SUSD4: variants seen among roughly 807,000 people sequenced by gnomAD.
The protein encoded by SUSD4 is sushi domain containing 4, also known as sushi domain-containing protein 4.
In SUSD4, 41 loss-of-function variants were observed where a neutral mutation model predicts 50.5. The ratio of observed to expected loss-of-function variants is 0.81; its 90% confidence interval spans 0.63 to 1.05. SUSD4 has a LOEUF of 1.05. SUSD4 is among the 50% of genes least tolerant of loss of function. The probability of loss-of-function intolerance (pLI) is 0.00; values close to 1 mark genes in which losing one functional copy is unlikely to be tolerated. For missense variants in SUSD4, 580 were observed against 634.7 expected (o/e 0.91, Z 0.93); for synonymous variants, 257 against 257.3 (o/e 1.00, Z 0.01).
chr1:223,340,880 C>T (rs895556599), intron 2 of SUSD4, among the ~76,000 whole-genome samples: 1 of 152,176 alleles, frequency 6.6e-6, no homozygotes, highest in Non-Finnish European at 1.5e-5. Flanking sequence ...TGAAACTGAC[C>T]TCTAGAAAAA....
At chr1:223,250,993 G>T (rs1661264867) in intron 5 of SUSD4, among the ~76,000 whole-genome samples, 1 of 152,136 alleles carries the variant, frequency 6.6e-6, no homozygotes, top group African/African-American at 2.4e-5. Flanking sequence ...GATCGAATTG[G>T]GTATCCCCCA....
intron 5 of SUSD4, among the ~76,000 whole-genome samples, chr1:223,246,108 G>A (rs1298045279): frequency 6.6e-6 from 1 of 152,108 alleles, no homozygotes; most frequent in Non-Finnish European, 1.5e-5. Context: ...CACATAAGGG[G>A]AGAGGGCAGA....
chr1:223,264,859 C>A, intron 4 of SUSD4, 41 bp from the exon 5 acceptor site: 1 of 1,582,332 alleles, frequency 6.3e-7, no homozygotes, highest in South Asian at 1.2e-5. Context: ...TCCACTCTGT[C>A]ATCTCTGTAC....
chr1:223,269,889 G>A (rs1662785460), intron 3 of SUSD4, among the ~76,000 whole-genome samples: 1 of 152,052 alleles, frequency 6.6e-6, no homozygotes, highest in East Asian at 1.9e-4. Flanking sequence ...TTGAACTGTC[G>A]GCTCTGAGGC....
chr1:223,228,942 G>C (rs1268805480), intron 6 of SUSD4, among the ~76,000 whole-genome samples: 5 of 151,696 alleles, frequency 3.3e-5, no homozygotes, highest in Non-Finnish European at 5.9e-5. Flanking sequence ...TCTGAATAGG[G>C]TCCCTAGGCC....
chr1:223,345,050 G>A (rs191958692), intron 2 of SUSD4, among the ~76,000 whole-genome samples: 1 of 152,166 alleles, frequency 6.6e-6, no homozygotes, highest in Non-Finnish European at 1.5e-5. Flanking sequence ...TTGTTATTAA[G>A]TCTACATATA....
chr1:223,344,114 T>C (rs543751712), intron 2 of SUSD4, among the ~76,000 whole-genome samples: 106 of 152,338 alleles, frequency 7.0e-4, no homozygotes, highest in African/African-American at 2.4e-3. Flanking sequence ...AACCTGTCTA[T>C]GCTTAGCCTT....
chr1:223,343,286 A>G (rs78055260), intron 2 of SUSD4, among the ~76,000 whole-genome samples: 2,899 of 152,266 alleles, frequency 0.019, 101 homozygotes, highest in African/African-American at 0.065. Context: ...AGCTGGACCA[A>G]GTGAGATTCT....
chr1:223,292,488 A>G lies in SUSD4; in HGVS notation c.312T>C (p.Asn104=). 1 of 1,614,182 alleles carries G rather than the reference A, an allele frequency of 6.2e-7. No homozygotes were observed. Among genetic ancestry groups the G allele is most frequent in the East Asian group, 2.2e-5 (1 of 44,876 alleles). ...ATKRLCLKHF[N]GTLGWIPSDN... The stretch of plus-strand genomic sequence containing the variant: ...CACTTGGGATCCAGCCTAGGGTTCC[A>G]TTAAAATGCTTCAAACACAGTCTCT... Residue 104 remains asparagine (N), a synonymous_variant, in exon 3 of 9, where the codon AAT becomes AAC. Coordinates refer to ENST00000366878, the MANE Select transcript of SUSD4 (RefSeq NM_017982.4).
chr1:223,332,812 T>C lies in SUSD4; in HGVS notation c.148+30466A>G, dbSNP rs1667248860. Among the ~76,000 whole-genome samples, 1 of 152,128 alleles carries C rather than the reference T, an allele frequency of 6.6e-6. No homozygotes were observed. The highest frequency in any genetic ancestry group is 2.4e-5 in the African/African-American group (1 of 41,442). On this transcript the variant is annotated intron_variant, in intron 2 of 8. Coordinates refer to ENST00000366878, the MANE Select transcript of SUSD4 (RefSeq NM_017982.4). The surrounding 1 kb of genome is among the most constrained non-coding windows in gnomAD (Gnocchi z 4.0). Reference sequence around the variant, plus strand: ...TTCTCTGTCCTGCCCCTGTCCTTTATGCCTACCTCCAGCTAAGCGGGTACT... The same window carrying C: ...TTCTCTGTCCTGCCCCTGTCCTTTACGCCTACCTCCAGCTAAGCGGGTACT...
At chr1:223,241,169 G>A (rs971145319) in intron 5 of SUSD4, among the ~76,000 whole-genome samples, 3 of 152,166 alleles carry the variant, frequency 2.0e-5, no homozygotes, top group Admixed American at 1.3e-4. Context: ...TTCCCTGGGG[G>A]ACAGACCATG....
chr1:223,360,968 T>C (rs892754529), intron 2 of SUSD4, among the ~76,000 whole-genome samples: 2 of 152,180 alleles, frequency 1.3e-5, no homozygotes, highest in African/African-American at 4.8e-5. Context: ...AAGGAATGCC[T>C]TGGTCTCAAG....
intron 4 of SUSD4, among the ~76,000 whole-genome samples, chr1:223,267,315 A>C (rs1281262731): frequency 6.6e-6 from 1 of 152,216 alleles, no homozygotes; most frequent in African/African-American, 2.4e-5. Context: ...ATGGGAGAAC[A>C]AAAGGTTATG....
intron 5 of SUSD4, among the ~76,000 whole-genome samples, chr1:223,248,159 G>A (rs994521692): frequency 2.6e-5 from 4 of 152,202 alleles, no homozygotes; most frequent in African/African-American, 9.7e-5. Flanking sequence ...CTCTGTAGCT[G>A]AGCTCAGTAG....
chr1:223,282,946 A>C (rs1360533065), intron 3 of SUSD4, among the ~76,000 whole-genome samples: 1 of 152,226 alleles, frequency 6.6e-6, no homozygotes, highest in Non-Finnish European at 1.5e-5. Context: ...CACATCTGCA[A>C]CCATCTGATC....
At chr1:223,263,731 C>A in intron 5 of SUSD4, 2 of 985,430 alleles carry the variant, frequency 2.0e-6, no homozygotes, top group Non-Finnish European at 2.4e-6. Context: ...ACACGTCCTA[C>A]CCTGACTTCC....
chr1:223,315,198 T>G (rs1418128930), intron 2 of SUSD4, among the ~76,000 whole-genome samples: 2 of 152,228 alleles, frequency 1.3e-5, no homozygotes, highest in African/African-American at 4.8e-5. Flanking sequence ...GTTTAAATGA[T>G]AGCGGGTCTT....
In SUSD4 at chr1:223,221,258, T is replaced by C; in HGVS notation, c.*934A>G. The C allele has an allele frequency of 2.5e-6, 1 of 396,962 alleles. No individual in the cohort carries two copies. The highest frequency in any genetic ancestry group is 4.4e-6 in the Non-Finnish European group (1 of 225,440). 24.6% of individuals were successfully genotyped at this position (396,962 alleles called of 1,614,324 possible). ...TCTGTTTTGGAAAATAAATGTATGG[T>C]TCAATTTGGGGCTGGGGGAACAATG... On this transcript the variant is annotated 3_prime_UTR_variant, in exon 9 of 9. Transcript: ENST00000366878.
chr1:223,329,691 G>A lies in SUSD4; in HGVS notation c.148+33587C>T, dbSNP rs192165447. On this transcript the variant is annotated intron_variant, in intron 2 of 8. Coordinates refer to ENST00000366878, the MANE Select transcript of SUSD4 (RefSeq NM_017982.4). ...CAGATGGACAGAACAATGGATGGATGAACATATGGACAGATGGATGGATGA... is the reference window on the plus strand; with the variant it reads ...CAGATGGACAGAACAATGGATGGATAAACATATGGACAGATGGATGGATGA... Among the ~76,000 whole-genome samples, 96 of 152,322 alleles carry A rather than the reference G, an allele frequency of 6.3e-4. No homozygotes were observed. In the East Asian group the frequency reaches 7.5e-3, roughly 12 times the overall value.
Sources: allele counts gnomAD v4.1 joint callset (sites outside exome capture counted in the v4.1 genomes callset), GRCh38; gene constraint gnomAD v4.1.1; non-coding constraint Gnocchi (gnomAD v3.1); transcripts MANE v1.5; gene names NCBI Gene and HGNC (gene_info 2026-07-23, HGNC 2026-07-21).